The following AKIRIN2 variants were observed in gnomAD, a reference collection of about 807,000 sequenced individuals.
AKIRIN2 encodes the protein akirin 2.
In AKIRIN2, 6 loss-of-function variants were observed where a neutral mutation model predicts 29.3. The observed-to-expected ratio is 0.20, with a 90% CI of 0.11 to 0.40. The LOEUF is 0.40. Among genes scored for constraint, AKIRIN2 ranks in the 10% least tolerant of loss-of-function variants. The pLI, the probability that AKIRIN2 is intolerant of heterozygous loss-of-function variation, is 1.00. For missense variants in AKIRIN2, 210 were observed against 276.1 expected, an observed-to-expected ratio of 0.76 and a Z score of 1.70; for synonymous variants, 128 against 117.5, an observed-to-expected ratio of 1.09 and a Z score of -0.58.
intron 1 of AKIRIN2, among the ~76,000 whole-genome samples, chr6:87,687,141 C>T (rs1375777571): frequency 6.7e-6 from 1 of 148,870 alleles, no homozygotes; most frequent in African/African-American, 2.5e-5. Flanking sequence ...AGAAAACTTG[C>T]AATAGTCATT....
intron 1 of AKIRIN2, among the ~76,000 whole-genome samples, chr6:87,692,020 T>C (rs1771284848): frequency 6.6e-6 from 1 of 152,216 alleles, no homozygotes; most frequent in Non-Finnish European, 1.5e-5. Flanking sequence ...AGAAATGGAA[T>C]AATCAAGAGG....
chr6:87,693,181 A>C (rs1213189902), intron 1 of AKIRIN2, among the ~76,000 whole-genome samples: 1 of 152,064 alleles, frequency 6.6e-6, no homozygotes, highest in Non-Finnish European at 1.5e-5. Context: ...GTGAGCGGAG[A>C]CTGCGCCACT....
At chr6:87,680,682 T>TA (rs1343126255) in intron 2 of AKIRIN2, among the ~76,000 whole-genome samples, 3 of 151,762 alleles carry the variant, frequency 2.0e-5, no homozygotes, top group African/African-American at 7.3e-5. Flanking sequence ...AGAACTTTAC[T>TA]AAAGATAAGA....
chr6:87,697,513 T>C (rs1429984552), intron 1 of AKIRIN2, among the ~76,000 whole-genome samples: 4 of 152,196 alleles, frequency 2.6e-5, no homozygotes, highest in South Asian at 4.1e-4. Flanking sequence ...AGTGAGAAAC[T>C]AGGAGCAACT....
At chr6:87,700,285 A>T (rs955068064) in intron 1 of AKIRIN2, among the ~76,000 whole-genome samples, 1 of 149,686 alleles carries the variant, frequency 6.7e-6, no homozygotes. Context: ...AAAAAACACT[A>T]AAGTCAGTTT....
At chr6:87,688,304 G>GT (rs1473505582) in intron 1 of AKIRIN2, among the ~76,000 whole-genome samples, 1 of 152,040 alleles carries the variant, frequency 6.6e-6, no homozygotes, top group African/African-American at 2.4e-5. Context: ...GCTAATTTTT[G>GT]TATTTTTAGT....
intron 2 of AKIRIN2, among the ~76,000 whole-genome samples, chr6:87,678,545 A>T (rs1771065043): frequency 6.6e-6 from 1 of 152,100 alleles, no homozygotes; most frequent in Admixed American, 6.6e-5. Flanking sequence ...TTTAAAAAAG[A>T]CATAAAACTT....
chr6:87,676,356 C>T (rs2093253595), intron 3 of AKIRIN2, among the ~76,000 whole-genome samples: 1 of 145,760 alleles, frequency 6.9e-6, no homozygotes, highest in South Asian at 2.2e-4. Context: ...GTCCCAACTA[C>T]TCGGGAGGCT....
chr6:87,677,001 C>T (rs1054510058), intron 3 of AKIRIN2, among the ~76,000 whole-genome samples: 3 of 151,062 alleles, frequency 2.0e-5, no homozygotes, highest in East Asian at 3.9e-4. Flanking sequence ...GGCGTGAACC[C>T]GGAAAGTAGA....
rs1347422915 is a variant in AKIRIN2 at position 87,701,773 on chromosome 6, C to T, written c.-89G>A. 5.1e-6 allele frequency: 5 copies of T among 984,410 alleles called. No homozygotes were observed. The highest frequency in any genetic ancestry group is 6.9e-6 in the Non-Finnish European group (5 of 723,718). 61.0% of individuals were successfully genotyped at this position (984,410 alleles called of 1,614,324 possible). A position where few individuals can be genotyped will look rare whatever the true frequency, so the allele number is the denominator to read the frequency against. On this transcript the variant is annotated 5_prime_UTR_variant, in exon 1 of 5. Transcript: ENST00000257787. Reference sequence around the variant, plus strand: ...TGAGGGAAGGGGTGAAGAGCGGGAACTCGAGGAGAGCCTACCCGACGGGCT... The same window carrying T: ...TGAGGGAAGGGGTGAAGAGCGGGAATTCGAGGAGAGCCTACCCGACGGGCT...
chr6:87,701,028 T>A (rs1383390712), intron 1 of AKIRIN2, among the ~76,000 whole-genome samples: 1 of 146,728 alleles, frequency 6.8e-6, no homozygotes, highest in African/African-American at 2.5e-5. Context: ...CCAGAGTTAA[T>A]AGCTGCAACC....
chr6:87,701,387 C>A lies in AKIRIN2; in HGVS notation c.235+63G>T, dbSNP rs146758749. ...CCCCCACCCCAGGGGCCGCATCCCA[C>A]ACCCCAGGACCCCTGTTCCCAGTTC... On this transcript the variant is annotated intron_variant, in intron 1 of 4. Coordinates refer to ENST00000257787, the MANE Select transcript of AKIRIN2 (RefSeq NM_018064.4). 4.1e-6 allele frequency: 6 copies of A among 1,480,192 alleles called. No individual in the cohort carries two copies. The East Asian group carries it at 1.1e-4, about 27-fold the overall frequency. 91.7% of individuals were successfully genotyped at this position (1,480,192 alleles called of 1,614,324 possible).
chr6:87,693,703 C>T (rs1410641099), intron 1 of AKIRIN2, among the ~76,000 whole-genome samples: 2 of 140,454 alleles, frequency 1.4e-5, no homozygotes, highest in African/African-American at 2.8e-5. Context: ...CCAGCCTGGG[C>T]GACAGACTGT....
In AKIRIN2 at chr6:87,693,718, C is replaced by T. The variant is rs545948199; in HGVS notation, c.235+7732G>A. On this transcript the variant is annotated intron_variant, in intron 1 of 4. Coordinates refer to ENST00000257787, the MANE Select transcript of AKIRIN2 (RefSeq NM_018064.4). Reference sequence around the variant, plus strand: ...CCAGCCTGGGCGACAGACTGTGACTCTGTCTCAAAAAAAAAAAAAAAAAAG... The same window carrying T: ...CCAGCCTGGGCGACAGACTGTGACTTTGTCTCAAAAAAAAAAAAAAAAAAG... 2.6e-4 allele frequency among the ~76,000 whole-genome samples: 35 copies of T among 133,486 alleles called. No homozygotes were observed. The East Asian group carries it at 7.3e-3, about 28-fold the overall frequency. 87.6% of individuals were successfully genotyped at this position (133,486 alleles called of 152,430 possible).
At chr6:87,689,848 C>A (rs767164725) in intron 1 of AKIRIN2, among the ~76,000 whole-genome samples, 2 of 152,188 alleles carry the variant, frequency 1.3e-5, no homozygotes, top group Non-Finnish European at 2.9e-5. Context: ...TAGTTCCCTC[C>A]TAGTTTACTT....
intron 2 of AKIRIN2, among the ~76,000 whole-genome samples, chr6:87,680,457 G>A (rs148861707): frequency 0.029 from 4,390 of 151,164 alleles, 214 homozygotes; most frequent in African/African-American, 0.1. Flanking sequence ...GATTTTAGTA[G>A]AGACGGGGTT....
At chr6:87,677,242 G>GA in intron 3 of AKIRIN2, among the ~76,000 whole-genome samples, 1 of 152,156 alleles carries the variant, frequency 6.6e-6, no homozygotes, top group African/African-American at 2.4e-5. Flanking sequence ...AAGTATCACA[G>GA]AAAAAGTTGT....
rs149859735 is a variant in AKIRIN2, at chr6:87,689,915, A to G, written c.236-8152T>C. On this transcript the variant is annotated intron_variant, in intron 1 of 4. Transcript: ENST00000257787. ...TTTAAAGTTTCTAGCCCCTGCTTAA[A>G]ATAACAACTCTCTTGGCCACGGGCG... Among the ~76,000 whole-genome samples the G allele has an allele frequency of 1.4e-3, 219 of 152,320 alleles. 1 individual carries two copies. The highest frequency in any genetic ancestry group is 4.8e-3 in the African/African-American group (201 of 41,586).
chr6:87,701,423 C>G, intron 1 of AKIRIN2, 27 bp downstream of exon 1: 2 of 1,531,072 alleles, frequency 1.3e-6, no homozygotes, highest in South Asian at 1.2e-5. Flanking sequence ...TCTCCACTAC[C>G]CCGGCGGCCG....
Sources: allele counts gnomAD v4.1 joint callset (sites outside exome capture counted in the v4.1 genomes callset), GRCh38; gene constraint gnomAD v4.1.1; transcripts MANE v1.5; gene names NCBI Gene and HGNC (gene_info 2026-07-23, HGNC 2026-07-21).